Variants in CCDC12 observed in about 807,000 individuals in gnomAD.
CCDC12 encodes the protein coiled-coil domain-containing protein 12.
In CCDC12, 28 loss-of-function variants were observed where a neutral mutation model predicts 25.7. The ratio of observed to expected loss-of-function variants is 1.09; its 90% CI spans 0.81 to 1.50. The LOEUF (loss-of-function observed/expected upper bound fraction) is 1.50. CCDC12 is among the 40% of genes most tolerant of loss of function. CCDC12 has a pLI of 0.00. For synonymous variants in CCDC12, 75 were observed against 87.7 expected (o/e 0.86, Z 0.81); for missense variants, 198 against 210.0 (o/e 0.94, Z 0.35).
intron 1 of CCDC12, among the ~76,000 whole-genome samples, chr3:46,943,984 G>A (rs1369758835): frequency 2.0e-5 from 3 of 152,184 alleles, no homozygotes; most frequent in Non-Finnish European, 4.4e-5. Context: ...TTCACGGGAA[G>A]GAAAATCGCT....
intron 1 of CCDC12, among the ~76,000 whole-genome samples, chr3:46,947,079 T>C (rs1245337600): frequency 6.6e-6 from 1 of 152,168 alleles, no homozygotes; most frequent in Non-Finnish European, 1.5e-5. Context: ...CCCCAGGTGA[T>C]ATGCCCCATT....
At chr3:46,980,447 A>C (rs1234360752), upstream of CCDC12, among the ~76,000 whole-genome samples, 1 of 152,014 alleles carries the variant, frequency 6.6e-6, no homozygotes, top group African/African-American at 2.4e-5. Flanking sequence ...GCATCCCCCC[A>C]CACCCCAGCG....
At chr3:46,980,599 G>A (rs2035259734), upstream of CCDC12, among the ~76,000 whole-genome samples, 1 of 152,090 alleles carries the variant, frequency 6.6e-6, no homozygotes, top group African/African-American at 2.4e-5. Context: ...GGTCCTTGAG[G>A]CCCTGAGGGA....
intron 1 of CCDC12, among the ~76,000 whole-genome samples, chr3:46,956,940 G>C (rs751533437): frequency 1.3e-5 from 2 of 152,116 alleles, no homozygotes; most frequent in Non-Finnish European, 2.9e-5. Flanking sequence ...CTCGGGTCTC[G>C]ACCTCAAGTA....
rs1299050186 is a variant in CCDC12, at chr3:46,921,981, G to A, written c.*76C>T. ...GAAGCCAAACTGGAGGTGATGGCAA[G>A]CCTAGCCCCCATCCCTGCCCAAGAC... On this transcript the variant is annotated 3_prime_UTR_variant, in exon 7 of 7. Coordinates refer to ENST00000683445, the MANE Select transcript of CCDC12 (RefSeq NM_001277074.2). The A allele has an allele frequency of 1.3e-6, 2 of 1,515,240 alleles. No homozygotes were observed. The highest frequency in any genetic ancestry group is 4.5e-5 in the East Asian group (2 of 44,406). 93.9% of individuals were successfully genotyped at this position (1,515,240 alleles called of 1,614,324 possible).
At chr3:46,979,786 G>T, upstream of CCDC12, 1 of 378,292 alleles carries the variant, frequency 2.6e-6, no homozygotes, top group South Asian at 8.7e-5. Context: ...CATGGGCCTG[G>T]CCGAGGGCAA....
At chr3:46,976,986 A>C, upstream of CCDC12, 1 of 574,722 alleles carries the variant, frequency 1.7e-6, no homozygotes, top group Non-Finnish European at 3.0e-6. Context: ...AAAAAAAGCT[A>C]AGGCTCGATT....
chr3:46,950,032 A>G (rs2034053700), intron 1 of CCDC12, among the ~76,000 whole-genome samples: 1 of 151,454 alleles, frequency 6.6e-6, no homozygotes, highest in Non-Finnish European at 1.5e-5. Context: ...TCTCAAAAAA[A>G]AAAAAAAAAG....
chr3:46,943,330 T>C (rs1371105332), intron 1 of CCDC12, among the ~76,000 whole-genome samples: 1 of 152,090 alleles, frequency 6.6e-6, no homozygotes, highest in African/African-American at 2.4e-5. Context: ...AGCAAAAAAT[T>C]CCTTCCCAAC....
At chr3:46,925,406 G>C (rs372678204) in intron 3 of CCDC12, 50 bp downstream of exon 3, 420 of 1,482,902 alleles carry the variant, frequency 2.8e-4, no homozygotes, top group Admixed American at 6.6e-4. Flanking sequence ...TGAGGTGGAG[G>C]GTGGCTGACA....
chr3:46,935,433 A>T (rs1236531762), intron 2 of CCDC12, among the ~76,000 whole-genome samples: 1 of 152,014 alleles, frequency 6.6e-6, no homozygotes, highest in Non-Finnish European at 1.5e-5. Context: ...TCAGCCACAA[A>T]CGCTGCCCTA....
chr3:46,957,615 C>G, intron 1 of CCDC12, among the ~76,000 whole-genome samples: 1 of 152,120 alleles, frequency 6.6e-6, no homozygotes, highest in African/African-American at 2.4e-5. Context: ...GCCTCCGTTA[C>G]GTTTCAGTAC....
intron 1 of CCDC12, among the ~76,000 whole-genome samples, chr3:46,960,654 C>A (rs1408971080): frequency 2.6e-5 from 4 of 152,198 alleles, no homozygotes; most frequent in Non-Finnish European, 5.9e-5. Context: ...AGGATACAAG[C>A]TGTTGCTTCC....
chr3:46,923,300 T>A (rs775169053), intron 5 of CCDC12, 29 bp downstream of exon 5: 12 of 1,473,308 alleles, frequency 8.1e-6, no homozygotes, highest in African/African-American at 1.4e-5. Flanking sequence ...CGAGTCAGCC[T>A]GCACCCGCCA....
In CCDC12 at chr3:46,944,404, G is replaced by A. The variant is rs192226459; in HGVS notation, c.97-3339C>T. On this transcript the variant is annotated intron_variant, in intron 1 of 6. Transcript: ENST00000683445. ...GACCTGGTCCCATGTGCTCAGATGC[G>A]GCCACAGCCAGCCCAAGTCCAAGCC... is the stretch of plus-strand genomic sequence containing the variant. Among the ~76,000 whole-genome samples the A allele has an allele frequency of 1.6e-4, 24 of 152,166 alleles. No individual in the cohort carries two copies. The East Asian group carries it at 4.1e-3, about 26-fold the overall frequency.
intron 1 of CCDC12, among the ~76,000 whole-genome samples, chr3:46,963,683 C>T (rs1575561272): frequency 6.6e-6 from 1 of 152,378 alleles, no homozygotes; most frequent in African/African-American, 2.4e-5. Context: ...GTCTCCAGCT[C>T]CTAACCGCGA....
chr3:46,933,759 T>C (rs1156933507), intron 2 of CCDC12, among the ~76,000 whole-genome samples: 2 of 152,304 alleles, frequency 1.3e-5, no homozygotes, highest in East Asian at 3.9e-4. Flanking sequence ...CAAAGAAATA[T>C]TAAGCTGCCA....
In CCDC12 at chr3:46,921,895, G is replaced by A; in HGVS notation, c.*162C>T. ...TCAGAATGGCAGGGGCCACCCAGCA[G>A]ACAAGGAGCTGACCTCATCCATGGG... On this transcript the variant is annotated 3_prime_UTR_variant, in exon 7 of 7. Transcript: ENST00000683445. 1.4e-6 allele frequency: 1 copy of A among 702,428 alleles called. No individual in the cohort carries two copies. The highest frequency in any genetic ancestry group is 2.4e-6 in the Non-Finnish European group (1 of 422,966). The allele number at this position is 702,428 out of a possible 1,614,324, so 43.5% of individuals were successfully genotyped here. A position where few individuals can be genotyped will look rare whatever the true frequency, so the allele number is the denominator to read the frequency against.
chr3:46,923,644 A>C lies in CCDC12; in HGVS notation c.269T>G (p.Leu90Arg). Residue 90 changes from leucine (L) to arginine (R), a missense_variant, in exon 4 of 7, where the codon CTG becomes CGG. Coordinates refer to ENST00000683445, the MANE Select transcript of CCDC12 (RefSeq NM_001277074.2). Reference sequence around the variant, plus strand: ...GACGGGCTCGGGCTTGGCGGCCTCCAGCTGCTCCTTCACCTTCTCCTCCAC... The same window carrying C: ...GACGGGCTCGGGCTTGGCGGCCTCCCGCTGCTCCTTCACCTTCTCCTCCAC... ...VAVEEKVKEQLEAAKPEPVIE... is the reference protein window; with the variant it reads ...VAVEEKVKEQREAAKPEPVIE... 1 of 1,577,128 alleles carries C rather than the reference A, an allele frequency of 6.3e-7. No individual in the cohort carries two copies. The highest frequency in any genetic ancestry group is 8.6e-7 in the Non-Finnish European group (1 of 1,161,028).
Sources: allele counts gnomAD v4.1 joint callset (sites outside exome capture counted in the v4.1 genomes callset), GRCh38; gene constraint gnomAD v4.1.1; transcripts MANE v1.5; gene names NCBI Gene and HGNC (gene_info 2026-07-23, HGNC 2026-07-21).